Variants in SGCZ observed in about 807,000 individuals in gnomAD.
SGCZ encodes the protein sarcoglycan zeta, also known as zeta-sarcoglycan.
A neutral mutation model predicts 41.3 loss-of-function variants in SGCZ; 40 were observed. The observed-to-expected ratio is 0.97, with a 90% CI of 0.75 to 1.26. SGCZ has a LOEUF of 1.26. Ranked by LOEUF, SGCZ falls within the 50% of genes most tolerant of loss-of-function variation. The pLI is 0.00. For missense variants in SGCZ, 552 were observed against 369.8 expected (o/e 1.49, Z -4.04); for synonymous variants, 206 against 137.5 (o/e 1.50, Z -3.49).
intron 1 of SGCZ, among the ~76,000 whole-genome samples, chr8:14,825,194 A>G (rs1240380063): frequency 6.6e-6 from 1 of 152,196 alleles, no homozygotes; most frequent in Non-Finnish European, 1.5e-5. Context: ...AAATCTTAAC[A>G]TTATACATTC....
intron 1 of SGCZ, among the ~76,000 whole-genome samples, chr8:14,640,828 C>T (rs1328979770): frequency 2.0e-5 from 3 of 151,744 alleles, no homozygotes; most frequent in African/African-American, 7.2e-5. Flanking sequence ...ATAGCTGGAG[C>T]CCCTGCAAGT....
chr8:14,605,068 T>G (rs1805706510), intron 1 of SGCZ, among the ~76,000 whole-genome samples: 3 of 152,166 alleles, frequency 2.0e-5, no homozygotes, highest in African/African-American at 7.2e-5. Context: ...TGTTTCTAAC[T>G]AATCTCTTAA....
In SGCZ at chr8:14,831,695, C is replaced by T. The variant is rs960800082; in HGVS notation, c.40-276769G>A. ...GTCTCAGTATACAATTATACTAAAA[C>T]ATTTTTTCTCATTTTCTAAAAAACG... is the stretch of plus-strand genomic sequence containing the variant. On this transcript the variant is annotated intron_variant, in intron 1 of 7. Coordinates refer to ENST00000382080, the MANE Select transcript of SGCZ (RefSeq NM_139167.4). Among the ~76,000 whole-genome samples, 11 of 151,268 alleles carry T rather than the reference C, an allele frequency of 7.3e-5. No homozygotes were observed. In the East Asian group the frequency reaches 1.2e-3, roughly 16 times the overall value.
intron 1 of SGCZ, among the ~76,000 whole-genome samples, chr8:15,033,260 C>T (rs1563454129): frequency 6.6e-6 from 1 of 151,930 alleles, no homozygotes; most frequent in Non-Finnish European, 1.5e-5. Flanking sequence ...AACACCCACA[C>T]ACCCAAACTC....
chr8:14,315,187 G>C lies in SGCZ; in HGVS notation c.336+8916C>G, dbSNP rs534733269. Among the ~76,000 whole-genome samples the C allele has an allele frequency of 4.6e-4, 70 of 152,210 alleles. No homozygotes were observed. The South Asian group carries it at 0.011, about 23-fold the overall frequency. ...CTTATATTTCCTAAGTCTCCAGTGAGTCATCTGCAAAATGGGAATAAAATG... is the reference window on the plus strand; with the variant it reads ...CTTATATTTCCTAAGTCTCCAGTGACTCATCTGCAAAATGGGAATAAAATG... On this transcript the variant is annotated intron_variant, in intron 3 of 7. Coordinates refer to ENST00000382080, the MANE Select transcript of SGCZ (RefSeq NM_139167.4).
chr8:14,569,610 C>G (rs763920628), intron 1 of SGCZ, among the ~76,000 whole-genome samples: 1 of 152,056 alleles, frequency 6.6e-6, no homozygotes, highest in Non-Finnish European at 1.5e-5. Context: ...TCTTGATGGA[C>G]ACAGACAGTG....
At chr8:14,576,455 G>C (rs769134173) in intron 1 of SGCZ, among the ~76,000 whole-genome samples, 4 of 152,172 alleles carry the variant, frequency 2.6e-5, no homozygotes, top group Admixed American at 2.6e-4. Context: ...TGTAGTAGTG[G>C]TAAGAGTCAT....
chr8:14,546,764 G>A (rs1563401022), intron 2 of SGCZ, among the ~76,000 whole-genome samples: 1 of 152,036 alleles, frequency 6.6e-6, no homozygotes, highest in Non-Finnish European at 1.5e-5. Context: ...ACCATGTAAA[G>A]GAAGTAAACC....
intron 3 of SGCZ, among the ~76,000 whole-genome samples, chr8:14,245,180 A>C (rs1262122787): frequency 6.6e-6 from 1 of 152,136 alleles, no homozygotes; most frequent in Non-Finnish European, 1.5e-5. Flanking sequence ...GCAGTTTTCA[A>C]AGGGAATGCT....
At chr8:14,196,808 A>T (rs1419307726) in intron 4 of SGCZ, among the ~76,000 whole-genome samples, 1 of 152,218 alleles carries the variant, frequency 6.6e-6, no homozygotes, top group Non-Finnish European at 1.5e-5. Flanking sequence ...AAATTAAAAG[A>T]ATGGAAAAAT....
intron 1 of SGCZ, among the ~76,000 whole-genome samples, chr8:14,928,102 C>A (rs139367085): frequency 6.6e-6 from 1 of 152,272 alleles, no homozygotes; most frequent in African/African-American, 2.4e-5. Flanking sequence ...TGTCACTCTG[C>A]CATCCATGCT....
chr8:15,104,999 C>A (rs1202712185), intron 1 of SGCZ, among the ~76,000 whole-genome samples: 1 of 152,088 alleles, frequency 6.6e-6, no homozygotes, highest in Non-Finnish European at 1.5e-5. Context: ...TTCCTTTATG[C>A]CTCAACAATA....
intron 1 of SGCZ, among the ~76,000 whole-genome samples, chr8:14,579,195 G>A (rs536576064): frequency 6.6e-6 from 1 of 152,214 alleles, no homozygotes; most frequent in South Asian, 2.1e-4. Context: ...AATGTCAACA[G>A]CCAATGTTAC....
Position 14,228,565 on chromosome 8 carries a change from A to T in SGCZ, c.424+9027T>A, listed in dbSNP as rs920247820. ...TCATCTGCTTAGTGATTTCTGCAGT[A>T]TTGTGCACTTAAGAAATAATTAGTC... On this transcript the variant is annotated intron_variant, in intron 4 of 7. Transcript: ENST00000382080. Among the ~76,000 whole-genome samples, 16 of 152,200 alleles carry T rather than the reference A, an allele frequency of 1.1e-4. No homozygotes were observed. In the East Asian group the frequency reaches 2.9e-3, roughly 28 times the overall value.
intron 2 of SGCZ, among the ~76,000 whole-genome samples, chr8:14,530,413 T>C (rs774293915): frequency 2.0e-5 from 3 of 152,128 alleles, no homozygotes; most frequent in Non-Finnish European, 4.4e-5. Context: ...ATCTGTCTGA[T>C]CATGTTTTTA....
intron 1 of SGCZ, among the ~76,000 whole-genome samples, chr8:15,217,850 G>A (rs1376756972): frequency 6.6e-6 from 1 of 152,184 alleles, no homozygotes; most frequent in African/African-American, 2.4e-5. Context: ...CACTTTGGGA[G>A]GCTGAGTTGG....
At chr8:14,372,109 G>C (rs1003752896) in intron 2 of SGCZ, among the ~76,000 whole-genome samples, 9 of 152,108 alleles carry the variant, frequency 5.9e-5, no homozygotes, top group African/African-American at 2.2e-4. Flanking sequence ...AAGGATTTTA[G>C]GATATACAAT....
chr8:14,572,547 A>G (rs920266513), intron 1 of SGCZ, among the ~76,000 whole-genome samples: 7 of 152,302 alleles, frequency 4.6e-5, no homozygotes, highest in Admixed American at 1.3e-4. Context: ...TAAGGAAAAT[A>G]AGACCTTGAG....
At chr8:14,642,805 A>G (rs535824351) in intron 1 of SGCZ, among the ~76,000 whole-genome samples, 3 of 151,584 alleles carry the variant, frequency 2.0e-5, no homozygotes, top group Non-Finnish European at 4.4e-5. Flanking sequence ...AATGGCACTG[A>G]CTTTTTGTAC....
Sources: allele counts gnomAD v4.1 joint callset (sites outside exome capture counted in the v4.1 genomes callset), GRCh38; gene constraint gnomAD v4.1.1; transcripts MANE v1.5; gene names NCBI Gene and HGNC (gene_info 2026-07-23, HGNC 2026-07-21).